The following AFAP1L2 variants were observed in gnomAD, a reference collection of about 807,000 sequenced individuals.
The protein encoded by AFAP1L2 is actin filament-associated protein 1-like 2.
In AFAP1L2, 46 loss-of-function variants were observed where a neutral mutation model predicts 99.3. The observed-to-expected ratio is 0.46, with a 90% CI of 0.37 to 0.59. The LOEUF (loss-of-function observed/expected upper bound fraction) is 0.59, where lower values mean the gene tolerates loss of function less well. Ranked by LOEUF, AFAP1L2 falls within the 20% of genes least tolerant of loss-of-function variation. AFAP1L2 has a pLI of 0.00. For synonymous variants in AFAP1L2, 397 were observed against 419.1 expected (o/e 0.95, Z 0.64); for missense variants, 959 against 1,034.9 (o/e 0.93, Z 1.01).
At chr10:114,313,824 G>T in intron 7 of AFAP1L2, 47 bp downstream of exon 7, 1 of 1,531,668 alleles carries the variant, frequency 6.5e-7, no homozygotes. Flanking sequence ...AAAAGCTGGG[G>T]GCCACAACTC....
intron 5 of AFAP1L2, among the ~76,000 whole-genome samples, chr10:114,316,392 C>T (rs1179406731): frequency 2.0e-5 from 3 of 152,188 alleles, no homozygotes; most frequent in Non-Finnish European, 2.9e-5. Flanking sequence ...AAGGGGCCAC[C>T]TTCTTACTCC....
At chr10:114,284,670 C>T in the AFAP1L2 span, among the ~76,000 whole-genome samples, 5 of 152,212 alleles carry the variant, frequency 3.3e-5, no homozygotes, top group Non-Finnish European at 5.9e-5. Context: ...CTTTACCACC[C>T]GTGCCCAGCC....
intron 12 of AFAP1L2, chr10:114,301,981 C>G (rs1039475629): frequency 1.1e-5 from 3 of 279,336 alleles, no homozygotes; most frequent in Non-Finnish European, 2.1e-5. Context: ...GCACCACCCC[C>G]TGACCTGCTT....
Position 114,297,421 on chromosome 10 carries a change from G to T in AFAP1L2, c.2114-8C>A. 6.2e-7 allele frequency: 1 copy of T among 1,611,030 alleles called. No individual in the cohort carries two copies. The highest frequency in any genetic ancestry group is 8.5e-7 in the Non-Finnish European group (1 of 1,179,568). ...TCGCCAGGACTTCCTTGTCTGGAGA[G>T]AGAATTATGCAGGTGTCAGAGAACA... is the stretch of plus-strand genomic sequence containing the variant. On this transcript the variant is annotated splice_polypyrimidine_tract_variant and splice_region_variant and intron_variant, in intron 16 of 18. Transcript: ENST00000304129.
intron 5 of AFAP1L2, among the ~76,000 whole-genome samples, chr10:114,320,366 C>T (rs567471098): frequency 3.3e-5 from 5 of 152,318 alleles, no homozygotes; most frequent in Non-Finnish European, 7.3e-5. Flanking sequence ...TCGCTATGGC[C>T]GCCAACTATA....
At chr10:114,334,950 A>G (rs1359178685) in intron 2 of AFAP1L2, among the ~76,000 whole-genome samples, 5 of 152,220 alleles carry the variant, frequency 3.3e-5, no homozygotes, top group Non-Finnish European at 2.9e-5. Flanking sequence ...TCAGTTCTCA[A>G]GAGTACAAAA....
At chr10:114,288,096 C>T in the AFAP1L2 span, among the ~76,000 whole-genome samples, 1 of 152,306 alleles carries the variant, frequency 6.6e-6, no homozygotes, top group East Asian at 1.9e-4. Flanking sequence ...AACTCCTTCC[C>T]CTGGCTTCTG....
At chr10:114,314,747 G>A (rs1035729231) in intron 6 of AFAP1L2, among the ~76,000 whole-genome samples, 6 of 81,982 alleles carry the variant, frequency 7.3e-5, no homozygotes, top group African/African-American at 1.7e-4. Flanking sequence ...ACTGTTGTCA[G>A]AGTAATGTCT....
At chr10:114,397,492 C>T (rs1419023157) in intron 1 of AFAP1L2, among the ~76,000 whole-genome samples, 5 of 152,156 alleles carry the variant, frequency 3.3e-5, no homozygotes, top group Admixed American at 6.5e-5. Flanking sequence ...TTGGTTCCAG[C>T]TCATGTTTGC....
chr10:114,390,860 TC>T lies in AFAP1L2; in HGVS notation c.16+13579del, dbSNP rs544588718. On this transcript the variant is annotated intron_variant, in intron 1 of 18. Transcript: ENST00000304129. ...TGTGCCACCTTCTCATTTCTGCCAG[TC>T]TACTGGGTGGTGGTTTTGGTTGACC... 1.2e-4 allele frequency among the ~76,000 whole-genome samples: 18 copies of T among 152,302 alleles called. No homozygotes were observed. In the South Asian group the frequency reaches 3.7e-3, roughly 32 times the overall value.
chr10:114,305,402 GCGCTGCAGAAGGAGATGC>G (rs2042046279), intron 10 of AFAP1L2, among the ~76,000 whole-genome samples: 1 of 97,668 alleles, frequency 1.0e-5, no homozygotes, highest in Non-Finnish European at 2.3e-5. Flanking sequence ...GGAGGGGACG[GCGCTGCAGAAGGAGATGC>G]AGATGCAGGA....
the AFAP1L2 span, among the ~76,000 whole-genome samples, chr10:114,282,160 C>T: frequency 4.6e-5 from 7 of 152,080 alleles, no homozygotes; most frequent in East Asian, 1.9e-4. Flanking sequence ...CATGCCACCA[C>T]GCCCAGCTAA....
chr10:114,318,137 G>C (rs2044442956), intron 5 of AFAP1L2, among the ~76,000 whole-genome samples: 1 of 152,202 alleles, frequency 6.6e-6, no homozygotes, highest in Admixed American at 6.5e-5. Flanking sequence ...GATTTGATGG[G>C]TAGTAGGATC....
rs181233128 is a variant in AFAP1L2 at position 114,360,155 on chromosome 10, A to G, written c.17-19424T>C. Among the ~76,000 whole-genome samples, 7 of 152,322 alleles carry G rather than the reference A, an allele frequency of 4.6e-5. No individual in the cohort carries two copies. The East Asian group carries it at 1.4e-3, about 29-fold the overall frequency. Reference sequence around the variant, plus strand: ...CCCTCTATGTGACTGGCCCTCATCCAATCAACTGAAGACTTGAATAGGACC... The same window carrying G: ...CCCTCTATGTGACTGGCCCTCATCCGATCAACTGAAGACTTGAATAGGACC... On this transcript the variant is annotated intron_variant, in intron 1 of 18. Transcript: ENST00000304129.
intron 5 of AFAP1L2, among the ~76,000 whole-genome samples, chr10:114,316,222 A>G (rs2044114748): frequency 1.3e-5 from 2 of 152,360 alleles, no homozygotes; most frequent in Admixed American, 1.3e-4. Context: ...CTCAGGAGGA[A>G]GAGAACGCCA....
chr10:114,297,959 CAT>C (rs1320603653), intron 16 of AFAP1L2, among the ~76,000 whole-genome samples: 1 of 152,322 alleles, frequency 6.6e-6, no homozygotes, highest in African/African-American at 2.4e-5. Context: ...ATATGTACCA[CAT>C]AGAGTCCTGA....
rs1295984653 is a variant in AFAP1L2, at chr10:114,346,217, T to C, written c.17-5486A>G. On this transcript the variant is annotated intron_variant, in intron 1 of 18. Transcript: ENST00000304129. ...TCTGGATCCATATCATTGTTCCAGG[T>C]CCAGCCAGGCCCCTTCTCCAGAAAG... Among the ~76,000 whole-genome samples the C allele has an allele frequency of 2.0e-5, 3 of 152,070 alleles. 1 individual carries two copies. The highest frequency in any genetic ancestry group is 2.0e-4 in the Admixed American group (3 of 15,270).
At chr10:114,339,352 C>G (rs1414415566) in intron 2 of AFAP1L2, among the ~76,000 whole-genome samples, 5 of 152,182 alleles carry the variant, frequency 3.3e-5, no homozygotes, top group Non-Finnish European at 5.9e-5. Flanking sequence ...GAGGCTGAGG[C>G]AGGAGAATGG....
intron 1 of AFAP1L2, among the ~76,000 whole-genome samples, chr10:114,369,503 G>A (rs1382442728): frequency 6.6e-6 from 1 of 150,996 alleles, no homozygotes; most frequent in African/African-American, 2.4e-5. Flanking sequence ...GCTGAGGCAG[G>A]AGAATGGCGT....
Sources: allele counts gnomAD v4.1 joint callset (sites outside exome capture counted in the v4.1 genomes callset), GRCh38; gene constraint gnomAD v4.1.1; transcripts MANE v1.5; gene names NCBI Gene and HGNC (gene_info 2026-07-23, HGNC 2026-07-21).